Variants in ORC1 observed in about 807,000 individuals in gnomAD.
ORC1 encodes origin recognition complex, subunit 1 homolog.
A neutral mutation model predicts 98.9 loss-of-function variants in ORC1; 61 were observed. The observed-to-expected ratio is 0.62, with a 90% CI of 0.50 to 0.76. ORC1 has a LOEUF of 0.76. ORC1 is among the 30% of genes least tolerant of loss of function. ORC1 has a pLI of 0.00. For missense variants in ORC1, 979 were observed against 1,072.2 expected (o/e 0.91, Z 1.21); for synonymous variants, 385 against 406.9 (o/e 0.95, Z 0.65).
intron 3 of ORC1, among the ~76,000 whole-genome samples, chr1:52,398,076 G>A (rs1557584801): frequency 6.6e-6 from 1 of 151,906 alleles, no homozygotes; most frequent in African/African-American, 2.4e-5. Flanking sequence ...TGATTCTGCT[G>A]CCTCAGCCTC....
At chr1:52,407,525 A>G (rs898040419), upstream of ORC1, among the ~76,000 whole-genome samples, 23 of 152,250 alleles carry the variant, frequency 1.5e-4, no homozygotes, top group African/African-American at 2.4e-5. Flanking sequence ...TTACGGAGTC[A>G]GAATTTGAAC....
At chr1:52,386,459 G>A (rs1456416158) in intron 8 of ORC1, among the ~76,000 whole-genome samples, 8 of 152,132 alleles carry the variant, frequency 5.3e-5, no homozygotes, top group African/African-American at 1.4e-4. Context: ...CCAGGTCACC[G>A]CTTAGTGTAG....
chr1:52,404,587 G>T (rs550577485), upstream of ORC1: 1 of 634,078 alleles, frequency 1.6e-6, no homozygotes, highest in Non-Finnish European at 2.6e-6. Context: ...GCGACGCGGG[G>T]AGCGGAAGCC....
rs745641127 is a variant in ORC1 at position 52,389,305 on chromosome 1, T to C, written c.1099A>G (p.Lys367Glu). ...GTAGAGGTCGCTTCATTCTGGGCTT[T>C]TGCTTCTTTTGCATCCCTGCAAGAA... Reference protein sequence around the residue: ...NIKKRDAKEAKAQNEATSTPH... With the variant: ...NIKKRDAKEAEAQNEATSTPH... Residue 367 changes from lysine to glutamate, a missense_variant, in exon 7 of 17, where the codon AAA (lysine) becomes GAA (glutamate). Transcript: ENST00000371568. 4.3e-6 allele frequency: 7 copies of C among 1,614,092 alleles called. No homozygotes were observed. In the South Asian group the frequency reaches 7.7e-5, roughly 18 times the overall value.
At chr1:52,393,160 A>T (rs764870760) in intron 6 of ORC1, among the ~76,000 whole-genome samples, 3 of 152,156 alleles carry the variant, frequency 2.0e-5, no homozygotes, top group Non-Finnish European at 4.4e-5. Context: ...ATAGCAATGC[A>T]GGTTTGGGAA....
At chr1:52,399,581 G>A (rs1010398731) in intron 3 of ORC1, among the ~76,000 whole-genome samples, 11 of 141,940 alleles carry the variant, frequency 7.7e-5, no homozygotes, top group African/African-American at 2.7e-4. Context: ...CCGAGATGGC[G>A]CCACTGCACT....
Position 52,397,681 on chromosome 1 carries a change from C to T in ORC1, c.402+4G>A. On this transcript the variant is annotated splice_donor_region_variant and intron_variant, in intron 4 of 16. Coordinates refer to ENST00000371568, the MANE Select transcript of ORC1 (RefSeq NM_004153.4). ...GTAGAACCAAGGATGGTGGCATCAC[C>T]TACCCGAACAAGGCCAATGATGGTC... 1 of 1,614,044 alleles carries T rather than the reference C, an allele frequency of 6.2e-7. No individual in the cohort carries two copies. Among genetic ancestry groups the T allele is most frequent in the Non-Finnish European group, 8.5e-7 (1 of 1,179,916 alleles).
At chr1:52,374,679 G>T (rs1569898723) in intron 16 of ORC1, 131 bp downstream of exon 16, 1 of 714,660 alleles carries the variant, frequency 1.4e-6, no homozygotes, top group East Asian at 2.7e-5. Context: ...ATTAAAATAG[G>T]TGCCGGTCTG....
intron 14 of ORC1, among the ~76,000 whole-genome samples, chr1:52,376,907 T>C (rs1024573202): frequency 2.0e-5 from 3 of 152,130 alleles, no homozygotes; most frequent in African/African-American, 7.2e-5. Context: ...TGACCTCCAC[T>C]TCAGCCTCAG....
intron 3 of ORC1, among the ~76,000 whole-genome samples, chr1:52,399,127 C>A (rs193197289): frequency 6.6e-6 from 1 of 152,062 alleles, no homozygotes; most frequent in Non-Finnish European, 1.5e-5. Flanking sequence ...ACACAGGCAA[C>A]GAACAAATAA....
Position 52,397,732 on chromosome 1 carries a change from C to T in ORC1, c.355G>A (p.Ala119Thr). 6.2e-7 allele frequency: 1 copy of T among 1,614,214 alleles called. No homozygotes were observed. The highest frequency in any genetic ancestry group is 1.7e-5 in the Admixed American group (1 of 60,030). Residue 119 changes from alanine to threonine, a missense_variant, in exon 4 of 17, where the codon GCC (alanine) becomes ACC (threonine). By Grantham distance (58) the Ala-to-Thr change is moderately conservative. Transcript: ENST00000371568. ...TCCGCATTAATGTTGCTGTCACAGG[C>T]CGGGTAATCATACCAGAATATTTCC... is the stretch of plus-strand genomic sequence containing the variant. ...AQEIFWYDYP[A>T]CDSNINAETI...
At chr1:52,378,141 T>TA (rs1216636690) in intron 14 of ORC1, among the ~76,000 whole-genome samples, 9 of 152,010 alleles carry the variant, frequency 5.9e-5, no homozygotes, top group Admixed American at 5.9e-4. Flanking sequence ...GGTCAGGAGA[T>TA]AGAGACCATC....
At chr1:52,378,636 C>T (rs556553324) in intron 14 of ORC1, among the ~76,000 whole-genome samples, 158 of 151,622 alleles carry the variant, frequency 1.0e-3, no homozygotes, top group Admixed American at 3.0e-3. Flanking sequence ...TGCACTCCAG[C>T]CTGGGTCACA....
At chr1:52,402,737 C>A (rs983514478) in intron 1 of ORC1, among the ~76,000 whole-genome samples, 1 of 152,144 alleles carries the variant, frequency 6.6e-6, no homozygotes, top group Admixed American at 6.5e-5. Context: ...AGTTCGGGAC[C>A]AGCCTGGCCA....
chr1:52,376,882 C>T (rs1049109705), intron 14 of ORC1, among the ~76,000 whole-genome samples: 1 of 152,160 alleles, frequency 6.6e-6, no homozygotes. Context: ...GGACATCCTG[C>T]AGGCACCTGA....
intron 8 of ORC1, among the ~76,000 whole-genome samples, chr1:52,386,543 T>C (rs1183835054): frequency 6.6e-6 from 1 of 152,214 alleles, no homozygotes; most frequent in African/African-American, 2.4e-5. Flanking sequence ...CTCATCTTCA[T>C]GGCGTTTCTA....
At chr1:52,401,555 GGGCACA>G in intron 2 of ORC1, 66 bp from the exon 3 acceptor site, 1 of 1,577,154 alleles carries the variant, frequency 6.3e-7, no homozygotes, top group Non-Finnish European at 8.7e-7. Context: ...CAGATCCCCT[GGGCACA>G]AAGGAGAGGG....
intron 14 of ORC1, among the ~76,000 whole-genome samples, chr1:52,378,488 C>A (rs1258533227): frequency 2.0e-5 from 3 of 151,490 alleles, no homozygotes; most frequent in Admixed American, 2.0e-4. Flanking sequence ...GGTAAAACTC[C>A]GCCTCTACTA....
upstream of ORC1, chr1:52,405,649 A>G (rs540932913): frequency 6.2e-7 from 1 of 1,609,518 alleles, no homozygotes; most frequent in Non-Finnish European, 8.5e-7. Context: ...GCTTAGCCCT[A>G]ATATGTTACT....
Sources: gnomAD v4.1 joint callset for allele counts (sites outside exome capture counted in the v4.1 genomes callset) on GRCh38, gnomAD v4.1.1 for gene constraint, MANE v1.5 for transcripts, NCBI Gene and HGNC (gene_info 2026-07-23, HGNC 2026-07-21) for gene names.